The following AGGF1 variants were observed in gnomAD, a reference collection of about 807,000 sequenced individuals.
AGGF1 encodes the protein angiogenic factor with G-patch and FHA domains 1.
Under a neutral mutation model 86.5 loss-of-function variants are expected in AGGF1, and 56 were observed. That is an observed-to-expected ratio of 0.65 (90% CI 0.52 to 0.81). The LOEUF is 0.81. Among genes scored for constraint, AGGF1 ranks in the 30% least tolerant of loss-of-function variants. The pLI, the probability that AGGF1 is intolerant of heterozygous loss-of-function variation, is 0.00. For synonymous variants in AGGF1, 313 were observed against 297.1 expected (o/e 1.05, Z -0.55); for missense variants, 816 against 850.9 (o/e 0.96, Z 0.51).
At position 77,039,522 on chromosome 5, in the gene AGGF1, CTT is replaced by C; in HGVS notation, c.682-7_682-6del. 1 of 1,586,182 alleles carries C rather than the reference CTT, an allele frequency of 6.3e-7. No individual in the cohort carries two copies. Among genetic ancestry groups the C allele is most frequent in the Non-Finnish European group, 8.6e-7 (1 of 1,162,434 alleles). ...TGAATAGAATTTATTTTTTTCTTGA[CTT>C]TCAAAGGAAAATCAACTCTATTATG... On this transcript the variant is annotated splice_polypyrimidine_tract_variant and splice_region_variant and intron_variant, in intron 4 of 13. Coordinates refer to ENST00000312916, the MANE Select transcript of AGGF1 (RefSeq NM_018046.5).
chr5:77,043,497 A>T (rs1281882472), intron 5 of AGGF1, among the ~76,000 whole-genome samples: 1 of 97,062 alleles, frequency 1.0e-5, no homozygotes, highest in Non-Finnish European at 2.1e-5. Context: ...TGACCCCCCC[A>T]CCTCCCTCCC....
At chr5:77,053,402 C>T (rs1747408644) in intron 9 of AGGF1, among the ~76,000 whole-genome samples, 1 of 152,076 alleles carries the variant, frequency 6.6e-6, no homozygotes, top group African/African-American at 2.4e-5. Context: ...GCCTGTTATC[C>T]CAGCTACTTG....
intron 12 of AGGF1, among the ~76,000 whole-genome samples, chr5:77,060,611 A>C (rs1433812963): frequency 1.3e-5 from 2 of 152,150 alleles, no homozygotes; most frequent in Non-Finnish European, 2.9e-5. Context: ...TTAAAATTTA[A>C]ATTTTTCATG....
chr5:77,056,904 A>G (rs537695376), intron 11 of AGGF1, among the ~76,000 whole-genome samples: 1 of 151,876 alleles, frequency 6.6e-6, no homozygotes, highest in South Asian at 2.1e-4. Flanking sequence ...AAAACTTTCA[A>G]AACTTAATAA....
chr5:77,055,628 A>G, intron 11 of AGGF1, 32 bp downstream of exon 11: 3 of 1,460,216 alleles, frequency 2.1e-6, no homozygotes, highest in African/African-American at 2.8e-5. Flanking sequence ...TCATTTGTTA[A>G]GCTGTATATC....
chr5:77,035,866 A>G, intron 3 of AGGF1, 123 bp downstream of exon 3: 1 of 821,394 alleles, frequency 1.2e-6, no homozygotes, highest in South Asian at 1.6e-5. Flanking sequence ...AAACATTCTT[A>G]TGTGTAATTA....
chr5:77,035,694 C>A lies in AGGF1; in HGVS notation c.467C>A (p.Thr156Lys). The part of the protein sequence containing the change: ...ENDAYPGTDR[T>K]ENVKYRQVDH... ...GATGCTTACCCTGGTACCGATAGAA[C>A]AGAAAATGTTAAATATAGACAAGTG... Residue 156 changes from threonine to lysine, a missense_variant, in exon 3 of 14, where the codon ACA (threonine) becomes AAA (lysine). By Grantham distance (78) the Thr-to-Lys change is moderately conservative. This residue lies in a region of AGGF1 where 240 missense variants were observed against 234.4 expected (regional missense o/e 1.02). Coordinates refer to ENST00000312916, the MANE Select transcript of AGGF1 (RefSeq NM_018046.5). 1 of 1,613,576 alleles carries A rather than the reference C, an allele frequency of 6.2e-7. No homozygotes were observed. Among genetic ancestry groups the A allele is most frequent in the Non-Finnish European group, 8.5e-7 (1 of 1,179,720 alleles).
intron 8 of AGGF1, among the ~76,000 whole-genome samples, chr5:77,050,508 A>G (rs1666385053): frequency 6.6e-6 from 1 of 151,290 alleles, no homozygotes; most frequent in Non-Finnish European, 1.5e-5. Context: ...TTTTTCTTTC[A>G]TTTAAACTAA....
intron 1 of AGGF1, among the ~76,000 whole-genome samples, chr5:77,033,098 C>A (rs1418231355): frequency 6.6e-6 from 1 of 152,236 alleles, no homozygotes; most frequent in African/African-American, 2.4e-5. Context: ...CATAGAAAGT[C>A]TTGACTCTAC....
intron 8 of AGGF1, among the ~76,000 whole-genome samples, chr5:77,049,548 C>CTTTTTTT (rs759329284): frequency 7.7e-6 from 1 of 130,642 alleles, no homozygotes; most frequent in Non-Finnish European, 1.6e-5. Context: ...TATATTTTTA[C>CTTTTTTT]TTTTTTTTTT....
chr5:77,043,496 C>CCA (rs1747173623), intron 5 of AGGF1, among the ~76,000 whole-genome samples: 2 of 137,390 alleles, frequency 1.5e-5, no homozygotes, highest in African/African-American at 2.6e-5. Flanking sequence ...CTGACCCCCC[C>CCA]ACCTCCCTCC....
rs111287628 is a variant in AGGF1 at position 77,039,807 on chromosome 5, A to G, written c.870+88A>G. 3.2e-4 allele frequency: 367 copies of G among 1,141,510 alleles called. 3 individuals are homozygous for G. The African/African-American group carries it at 4.8e-3, about 15-fold the overall frequency. 70.7% of individuals were successfully genotyped at this position (1,141,510 alleles called of 1,614,324 possible). A position where few individuals can be genotyped will look rare whatever the true frequency, so the allele number is the denominator to read the frequency against. On this transcript the variant is annotated intron_variant, in intron 5 of 13. Coordinates refer to ENST00000312916, the MANE Select transcript of AGGF1 (RefSeq NM_018046.5). The stretch of plus-strand genomic sequence containing the variant: ...TTTTTATGAAACTGACAATCATTCA[A>G]TAACTCTGCATTTCAAACATACCCA...
At position 77,047,400 on chromosome 5, in the gene AGGF1, A is replaced by G. The variant is rs140572680; in HGVS notation, c.1201+723A>G. On this transcript the variant is annotated intron_variant, in intron 6 of 13. Coordinates refer to ENST00000312916, the MANE Select transcript of AGGF1 (RefSeq NM_018046.5). Reference sequence around the variant, plus strand: ...ACGATACAATTTATATAAGGACTTGAACATCCATAGATTTTGGCATATGAG... The same window carrying G: ...ACGATACAATTTATATAAGGACTTGGACATCCATAGATTTTGGCATATGAG... 4.5e-4 allele frequency among the ~76,000 whole-genome samples: 69 copies of G among 152,342 alleles called. No homozygotes were observed. In the East Asian group the frequency reaches 0.012, roughly 26 times the overall value.
chr5:77,058,632 TC>T (rs1463775835), intron 11 of AGGF1, among the ~76,000 whole-genome samples: 1 of 152,212 alleles, frequency 6.6e-6, no homozygotes, highest in Non-Finnish European at 1.5e-5. Flanking sequence ...TCTATATTTT[TC>T]TTCTCTTTTT....
rs1471038099 is a variant in AGGF1 at position 77,030,674 on chromosome 5, C to T, written c.-93C>T. On this transcript the variant is annotated 5_prime_UTR_variant, in exon 1 of 14. Coordinates refer to ENST00000312916, the MANE Select transcript of AGGF1 (RefSeq NM_018046.5). ...CCGGGTGTGAGGCTGCCTTTCGCTG[C>T]CCGCGCGCTCCAGTGGTCTCTGGGT... The T allele has an allele frequency of 4.2e-6, 6 of 1,422,414 alleles. No homozygotes were observed. The Admixed American group carries it at 6.0e-5, about 14-fold the overall frequency. The allele number at this position is 1,422,414 out of a possible 1,614,324, so 88.1% of individuals were successfully genotyped here. A position where few individuals can be genotyped will look rare whatever the true frequency, so the allele number is the denominator to read the frequency against.
In AGGF1 at chr5:77,030,528, C is replaced by A. The variant is rs1242739337; in HGVS notation, c.-239C>A. 1 of 686,188 alleles carries A rather than the reference C, an allele frequency of 1.5e-6. No individual in the cohort carries two copies. The highest frequency in any genetic ancestry group is 2.7e-6 in the Non-Finnish European group (1 of 375,346). 42.5% of individuals were successfully genotyped at this position (686,188 alleles called of 1,614,324 possible). A position where few individuals can be genotyped will look rare whatever the true frequency, so the allele number is the denominator to read the frequency against. ...AGAAGGTAGTTTCCAGGAAAGTTTT[C>A]CGGTTTGCAGGCCGCGCACATCGGG... is the stretch of plus-strand genomic sequence containing the variant. On this transcript the variant is annotated 5_prime_UTR_variant, in exon 1 of 14. Coordinates refer to ENST00000312916, the MANE Select transcript of AGGF1 (RefSeq NM_018046.5).
chr5:77,034,486 A>G lies in AGGF1; in HGVS notation c.279A>G (p.Val93=), dbSNP rs1253975587. The G allele has an allele frequency of 6.2e-7, 1 of 1,613,346 alleles. No individual in the cohort carries two copies. Among genetic ancestry groups the G allele is most frequent in the South Asian group, 1.1e-5 (1 of 91,074 alleles). Residue 93 remains valine, a synonymous_variant, in exon 2 of 14, where the codon GTA becomes GTG. Coordinates refer to ENST00000312916, the MANE Select transcript of AGGF1 (RefSeq NM_018046.5). ...NEDNKKSDVE[V]QTENHAPWSI... ...ATAATAAAAAGTCTGATGTAGAAGT[A>G]CAAACAGAGAACCATGCTCCTTGGT...
intron 5 of AGGF1, among the ~76,000 whole-genome samples, chr5:77,042,835 G>C (rs1426739325): frequency 2.6e-5 from 1 of 38,950 alleles, no homozygotes; most frequent in Non-Finnish European, 6.7e-5. Context: ...TCCCTCCCGG[G>C]CGGGGCGGCT....
Position 77,036,613 on chromosome 5 carries a change from G to A in AGGF1, c.574G>A (p.Glu192Lys). The A allele has an allele frequency of 6.2e-7, 1 of 1,614,080 alleles. No individual in the cohort carries two copies. Among genetic ancestry groups the A allele is most frequent in the Non-Finnish European group, 8.5e-7 (1 of 1,180,002 alleles). The part of the protein sequence containing the change: ...DTSLEGSSLA[E>K]SLRAAAEAAV... ...CTCCTTAGAAGGCTCATCATTAGCT[G>A]AAAGTTTGAGAGCTGCAGCAGAAGC... Residue 192 changes from glutamate to lysine, a missense_variant, in exon 4 of 14, where the codon GAA becomes AAA. Physicochemically the swap from Glu to Lys is moderately conservative, Grantham distance 56. Transcript: ENST00000312916.
Sources: allele counts gnomAD v4.1 joint callset (sites outside exome capture counted in the v4.1 genomes callset), GRCh38; gene constraint gnomAD v4.1.1; regional missense constraint gnomAD v4.1.1; transcripts MANE v1.5; gene names NCBI Gene and HGNC (gene_info 2026-07-23, HGNC 2026-07-21).